GPC5: variants seen among roughly 807,000 people sequenced by gnomAD.
The protein encoded by GPC5 is glypican-5.
GPC5 carries 47 observed loss-of-function variants against 53.9 expected under a neutral mutation model. The ratio of observed to expected loss-of-function variants is 0.87; its 90% CI spans 0.69 to 1.11. The LOEUF (loss-of-function observed/expected upper bound fraction) is 1.11. GPC5 is among the 50% of genes most tolerant of loss of function. The probability of loss-of-function intolerance (pLI) is 0.00; values close to 1 mark genes in which losing one functional copy is unlikely to be tolerated. For missense variants in GPC5, 748 were observed against 713.1 expected (o/e 1.05, Z -0.56); for synonymous variants, 286 against 263.3 (o/e 1.09, Z -0.84).
At chr13:91,437,480 A>G (rs1221812696) in intron 1 of GPC5, among the ~76,000 whole-genome samples, 1 of 152,206 alleles carries the variant, frequency 6.6e-6, no homozygotes, top group Non-Finnish European at 1.5e-5. Context: ...TTCTGGGTTG[A>G]AAATTCTTTT....
At chr13:91,828,610 T>C (rs903489598) in intron 5 of GPC5, among the ~76,000 whole-genome samples, 2 of 152,006 alleles carry the variant, frequency 1.3e-5, no homozygotes, top group Non-Finnish European at 2.9e-5. Context: ...GCCTAGAATA[T>C]TTTTTTCCAG....
intron 7 of GPC5, among the ~76,000 whole-genome samples, chr13:92,657,378 C>T (rs9523754): frequency 6.6e-6 from 1 of 152,278 alleles, no homozygotes; most frequent in African/African-American, 2.4e-5. Context: ...GCTCTCAGTT[C>T]TAAAGTCTTT....
At chr13:91,609,436 C>T (rs1356444126) in intron 2 of GPC5, among the ~76,000 whole-genome samples, 1 of 152,136 alleles carries the variant, frequency 6.6e-6, no homozygotes, top group African/African-American at 2.4e-5. Flanking sequence ...AGGGGAACAC[C>T]TCATGCACCA....
intron 6 of GPC5, among the ~76,000 whole-genome samples, chr13:92,078,723 A>G (rs1165027968): frequency 6.6e-6 from 1 of 152,108 alleles, no homozygotes; most frequent in Non-Finnish European, 1.5e-5. Context: ...CTTTAAGAAT[A>G]CCCACTAGTA....
chr13:92,007,148 CACAATTT>C (rs2040614631), intron 6 of GPC5, among the ~76,000 whole-genome samples: 1 of 152,098 alleles, frequency 6.6e-6, no homozygotes, highest in Non-Finnish European at 1.5e-5. Context: ...TAGCTGTTTT[CACAATTT>C]ACTCTCAATA....
intron 1 of GPC5, among the ~76,000 whole-genome samples, chr13:91,443,749 A>G (rs77739401): frequency 0.036 from 5,457 of 152,286 alleles, 146 homozygotes; most frequent in Middle Eastern, 0.068. Context: ...TTTTCAGGGA[A>G]GGTAGGAATT....
chr13:92,748,758 T>C (rs1228929019), intron 7 of GPC5, among the ~76,000 whole-genome samples: 3 of 152,180 alleles, frequency 2.0e-5, no homozygotes, highest in Non-Finnish European at 4.4e-5. Context: ...TTTTTAATTG[T>C]TAATAGAAAT....
intron 7 of GPC5, among the ~76,000 whole-genome samples, chr13:92,449,427 C>G (rs1390771790): frequency 6.6e-6 from 1 of 152,082 alleles, no homozygotes; most frequent in Non-Finnish European, 1.5e-5. Context: ...ACATGCAATA[C>G]AGAGAATGGA....
chr13:91,534,520 T>C (rs1886497175), intron 2 of GPC5, among the ~76,000 whole-genome samples: 1 of 152,232 alleles, frequency 6.6e-6, no homozygotes. Context: ...CTGAGAAAGT[T>C]GATTTTGTTG....
rs140865584 is a variant in GPC5 at position 91,501,240 on chromosome 13, GTTTTTTT to G, written c.325+52332_325+52338del. 7.5e-5 allele frequency among the ~76,000 whole-genome samples: 8 copies of G among 106,442 alleles called. 1 individual carries two copies. Among genetic ancestry groups the G allele is most frequent in the Admixed American group, 1.9e-4 (2 of 10,420 alleles). The allele number at this position is 106,442 out of a possible 152,430, so 69.8% of individuals were successfully genotyped here. On this transcript the variant is annotated intron_variant, in intron 2 of 7. Coordinates refer to ENST00000377067, the MANE Select transcript of GPC5 (RefSeq NM_004466.6). ...AGGAAAGCTCAGCTCTTAAGACTTT[GTTTTTTT>G]TTTTTTTTTTTTTGTAATTTAAGTT...
rs1383198566 is a variant in GPC5, at chr13:91,572,180, C to CGT, written c.326-121002_326-121001dup. On this transcript the variant is annotated intron_variant, in intron 2 of 7. Transcript: ENST00000377067. ...GTATACACACACATATGTATATATA[C>CGT]GTGTGTATACACACACATATGTATA... is the stretch of plus-strand genomic sequence containing the variant. 9.8e-5 allele frequency among the ~76,000 whole-genome samples: 4 copies of CGT among 40,934 alleles called. No homozygotes were observed. In the East Asian group the frequency reaches 2.9e-3, roughly 29 times the overall value. The allele number at this position is 40,934 out of a possible 152,430, so 26.9% of individuals were successfully genotyped here.
chr13:92,670,717 T>C (rs1342572207), intron 7 of GPC5, among the ~76,000 whole-genome samples: 4 of 152,158 alleles, frequency 2.6e-5, no homozygotes, highest in Non-Finnish European at 5.9e-5. Flanking sequence ...TAAGAAGATA[T>C]CAGCCTGTTC....
chr13:91,844,853 G>A (rs1357246209), intron 5 of GPC5, among the ~76,000 whole-genome samples: 1 of 152,058 alleles, frequency 6.6e-6, no homozygotes, highest in African/African-American at 2.4e-5. Context: ...TGCCTCCTGA[G>A]TAGCTGGGAT....
intron 7 of GPC5, among the ~76,000 whole-genome samples, chr13:92,285,213 A>G (rs1184646034): frequency 6.6e-6 from 1 of 152,212 alleles, no homozygotes; most frequent in African/African-American, 2.4e-5. Context: ...AAGGAGGACT[A>G]CAAACCACTG....
chr13:92,118,815 G>A (rs1368778076), intron 6 of GPC5, among the ~76,000 whole-genome samples: 1 of 152,146 alleles, frequency 6.6e-6, no homozygotes, highest in African/African-American at 2.4e-5. Context: ...AGCATGCTTT[G>A]TCTTGGCTGG....
At chr13:92,326,609 A>G (rs1368867986) in intron 7 of GPC5, among the ~76,000 whole-genome samples, 3 of 152,140 alleles carry the variant, frequency 2.0e-5, no homozygotes, top group Non-Finnish European at 4.4e-5. Flanking sequence ...AACTATAGGC[A>G]CTTCAATAGG....
chr13:91,755,613 C>T lies in GPC5; in HGVS notation c.1155-682C>T, dbSNP rs9589351. On this transcript the variant is annotated intron_variant, in intron 4 of 7. Coordinates refer to ENST00000377067, the MANE Select transcript of GPC5 (RefSeq NM_004466.6). ...AAAACCTGCTTGTTGTTGAATTTTT[C>T]CTCTGATAATTGATATGGGGAAGGA... Among the ~76,000 whole-genome samples, 1,517 of 152,036 alleles carry T rather than the reference C, an allele frequency of 1.0e-2. 20 individuals are homozygous for T. Among genetic ancestry groups the T allele is most frequent in the African/African-American group, 0.035 (1,458 of 41,496 alleles).
chr13:91,777,170 T>G (rs895888517), intron 5 of GPC5, among the ~76,000 whole-genome samples: 1 of 152,232 alleles, frequency 6.6e-6, no homozygotes, highest in Non-Finnish European at 1.5e-5. Context: ...ACATGTTTAT[T>G]ATTTGTCATT....
intron 5 of GPC5, among the ~76,000 whole-genome samples, chr13:91,868,867 A>G (rs754055525): frequency 2.0e-5 from 3 of 152,202 alleles, no homozygotes; most frequent in Non-Finnish European, 2.9e-5. Context: ...TGGGTGACAT[A>G]GTACAGAGAC....
Sources: gnomAD v4.1 joint callset for allele counts (sites outside exome capture counted in the v4.1 genomes callset) on GRCh38, gnomAD v4.1.1 for gene constraint, MANE v1.5 for transcripts, NCBI Gene and HGNC (gene_info 2026-07-23, HGNC 2026-07-21) for gene names.